Variants in RAI14 observed in about 807,000 individuals in gnomAD.
RAI14 encodes ankycorbin.
In RAI14, 45 loss-of-function variants were observed where a neutral mutation model predicts 115.4. The observed-to-expected ratio is 0.39, with a 90% CI of 0.31 to 0.50. RAI14 has a LOEUF of 0.50. Ranked by LOEUF, RAI14 falls within the 20% of genes least tolerant of loss-of-function variation. RAI14 has a pLI of 0.85. For missense variants in RAI14, 939 were observed against 1,131.2 expected (o/e 0.83, Z 2.44); for synonymous variants, 371 against 415.4 (o/e 0.89, Z 1.30).
At chr5:34,815,615 T>C (rs1756138548) in intron 12 of RAI14, among the ~76,000 whole-genome samples, 2 of 151,948 alleles carry the variant, frequency 1.3e-5, no homozygotes, top group East Asian at 1.9e-4. Flanking sequence ...GTTGAACCCA[T>C]AGAAGCAGAG....
chr5:34,803,064 G>T (rs1754462000), intron 4 of RAI14, among the ~76,000 whole-genome samples: 1 of 152,154 alleles, frequency 6.6e-6, no homozygotes, highest in Non-Finnish European at 1.5e-5. Flanking sequence ...GGCTCTTATA[G>T]ACACAGGATG....
At chr5:34,809,681 A>G (rs959065388) in intron 7 of RAI14, among the ~76,000 whole-genome samples, 3 of 151,868 alleles carry the variant, frequency 2.0e-5, no homozygotes, top group Non-Finnish European at 4.4e-5. Context: ...TTTGCAGCAT[A>G]TATTTCCTAT....
intron 1 of RAI14, among the ~76,000 whole-genome samples, chr5:34,677,728 T>G (rs1223463032): frequency 1.3e-5 from 2 of 152,188 alleles, no homozygotes; most frequent in Non-Finnish European, 2.9e-5. Context: ...CATGAGTCAC[T>G]GCACCCAGCC....
chr5:34,798,155 C>A (rs1360322517), intron 4 of RAI14, among the ~76,000 whole-genome samples: 1 of 152,136 alleles, frequency 6.6e-6, no homozygotes, highest in East Asian at 1.9e-4. Context: ...CCTGCCTCAG[C>A]CTCCTGAGTA....
intron 1 of RAI14, among the ~76,000 whole-genome samples, chr5:34,662,009 G>C (rs1554037069): frequency 6.6e-6 from 1 of 152,110 alleles, no homozygotes; most frequent in Non-Finnish European, 1.5e-5. Context: ...GGCTGGTCTT[G>C]AACTCCTGGG....
At chr5:34,829,696 T>A in intron 16 of RAI14, 36 bp from the exon 17 acceptor site, 1 of 1,550,230 alleles carries the variant, frequency 6.5e-7, no homozygotes, top group South Asian at 1.2e-5. Flanking sequence ...AAAGATCTCT[T>A]AAGCTCATTA....
intron 14 of RAI14, 96 bp downstream of exon 14, chr5:34,821,946 G>A (rs1756871185): frequency 4.8e-6 from 3 of 621,360 alleles, no homozygotes; most frequent in Non-Finnish European, 5.5e-6. Flanking sequence ...GTGTACATTA[G>A]TTTCTTTTTA....
chr5:34,774,138 A>C (rs1223130641), intron 3 of RAI14, among the ~76,000 whole-genome samples: 1 of 151,964 alleles, frequency 6.6e-6, no homozygotes, highest in Non-Finnish European at 1.5e-5. Flanking sequence ...AGATCATTTG[A>C]GGTCAGGAGT....
intron 3 of RAI14, among the ~76,000 whole-genome samples, chr5:34,765,031 T>C (rs984139727): frequency 2.6e-5 from 4 of 152,294 alleles, no homozygotes; most frequent in African/African-American, 9.6e-5. Context: ...GGTTTTTGCT[T>C]TTGCTTCTTC....
intron 3 of RAI14, among the ~76,000 whole-genome samples, chr5:34,787,893 ATTTT>A (rs70973012): frequency 2.4e-4 from 6 of 25,074 alleles, no homozygotes; most frequent in Non-Finnish European, 3.3e-4. Flanking sequence ...GATACTACTG[ATTTT>A]TTTTTTTTTT....
chr5:34,776,798 CCCTTTAT>C (rs1750901058), intron 3 of RAI14, among the ~76,000 whole-genome samples: 2 of 146,612 alleles, frequency 1.4e-5, no homozygotes, highest in Non-Finnish European at 1.5e-5. Context: ...CAGAGTGAGA[CCCTTTAT>C]TAAAAAAACC....
intron 2 of RAI14, among the ~76,000 whole-genome samples, chr5:34,734,390 G>T (rs545827958): frequency 6.6e-6 from 1 of 152,298 alleles, no homozygotes; most frequent in East Asian, 1.9e-4. Context: ...TCTAAAGGAG[G>T]TATATGACCC....
rs555093541 is a variant in RAI14 at position 34,699,619 on chromosome 5, A to C, written c.36+12664A>C. 2.6e-5 allele frequency among the ~76,000 whole-genome samples: 4 copies of C among 152,330 alleles called. No individual in the cohort carries two copies. The South Asian group carries it at 8.3e-4, about 32-fold the overall frequency. On this transcript the variant is annotated intron_variant, in intron 2 of 17. Transcript: ENST00000265109. Reference sequence around the variant, plus strand: ...TCCCCCTATTTCTAAACAAGGTTACATTCTGAGACATTGGGGGTTAGGGCT... The same window carrying C: ...TCCCCCTATTTCTAAACAAGGTTACCTTCTGAGACATTGGGGGTTAGGGCT...
At chr5:34,666,467 TG>T (rs946882613) in intron 1 of RAI14, among the ~76,000 whole-genome samples, 28 of 152,310 alleles carry the variant, frequency 1.8e-4, no homozygotes, top group African/African-American at 6.7e-4. Context: ...GCTGTCTTGA[TG>T]GGGACCTGAA....
At chr5:34,792,456 G>T (rs980413307) in intron 3 of RAI14, among the ~76,000 whole-genome samples, 1 of 151,904 alleles carries the variant, frequency 6.6e-6, no homozygotes, top group Non-Finnish European at 1.5e-5. Flanking sequence ...GGATGGTCTC[G>T]ATCTCCTGAC....
At chr5:34,815,583 T>A (rs531593161) in intron 12 of RAI14, among the ~76,000 whole-genome samples, 1 of 152,088 alleles carries the variant, frequency 6.6e-6, no homozygotes, top group African/African-American at 2.4e-5. Flanking sequence ...GGACAAAGTT[T>A]ACTTATATGG....
intron 4 of RAI14, among the ~76,000 whole-genome samples, chr5:34,798,261 A>G (rs529511250): frequency 7.4e-4 from 111 of 149,552 alleles, no homozygotes; most frequent in African/African-American, 2.6e-3. Flanking sequence ...CTGGTCTTGA[A>G]CTCCTGACCT....
intron 1 of RAI14, among the ~76,000 whole-genome samples, chr5:34,686,092 A>G (rs935957121): frequency 6.6e-6 from 1 of 152,196 alleles, no homozygotes. Flanking sequence ...AATGAGTGGC[A>G]TCTGGAATAT....
At chr5:34,721,287 A>ATG (rs1193019574) in intron 2 of RAI14, among the ~76,000 whole-genome samples, 9 of 74,178 alleles carry the variant, frequency 1.2e-4, no homozygotes, top group South Asian at 5.2e-4. Flanking sequence ...GTAGATGTAG[A>ATG]TGTGTATATA....
Sources: gnomAD v4.1 joint callset for allele counts (sites outside exome capture counted in the v4.1 genomes callset) on GRCh38, gnomAD v4.1.1 for gene constraint, MANE v1.5 for transcripts, NCBI Gene and HGNC (gene_info 2026-07-23, HGNC 2026-07-21) for gene names.